UPP1: variants seen among roughly 807,000 people sequenced by gnomAD.
UPP1 encodes the protein UPase 1.
A neutral mutation model predicts 29.6 loss-of-function variants in UPP1; 25 were observed. The ratio of observed to expected loss-of-function variants is 0.85; its 90% CI spans 0.62 to 1.18. The LOEUF (loss-of-function observed/expected upper bound fraction) is 1.18. Among genes scored for constraint, UPP1 ranks in the 50% most tolerant of loss-of-function variants. The pLI, the probability that UPP1 is intolerant of heterozygous loss-of-function variation, is 0.00. For missense variants in UPP1, 368 were observed against 410.4 expected (o/e 0.90, Z 0.89); for synonymous variants, 165 against 159.8 (o/e 1.03, Z -0.25).
At chr7:48,099,905 CATA>C (rs758202971) in intron 4 of UPP1, 118 bp downstream of exon 4, 29 of 715,276 alleles carry the variant, frequency 4.1e-5, no homozygotes, top group Non-Finnish European at 6.6e-5. Flanking sequence ...TTTATGAAGA[CATA>C]ATGTTTACCA....
At chr7:48,093,585 T>G (rs747560756) in intron 2 of UPP1, among the ~76,000 whole-genome samples, 11 of 152,228 alleles carry the variant, frequency 7.2e-5, no homozygotes, top group Admixed American at 2.0e-4. Context: ...AGTCTCACCC[T>G]CCTTCAAAGA....
In UPP1 at chr7:48,107,182, G is replaced by C. The variant is rs938902649; in HGVS notation, c.646+100G>C. On this transcript the variant is annotated intron_variant, in intron 7 of 8. Transcript: ENST00000395564. ...GTGGACTGGCGTTTCCACTTGCCAG[G>C]CTGCTGTCTCAGTTACACTTCGCCC... 9 of 1,481,408 alleles carry C rather than the reference G, an allele frequency of 6.1e-6. No homozygotes were observed. The African/African-American group carries it at 1.2e-4, about 21-fold the overall frequency. The allele number at this position is 1,481,408 out of a possible 1,614,324, so 91.8% of individuals were successfully genotyped here.
In UPP1 at chr7:48,107,533, C is replaced by T. The variant is rs755456358; in HGVS notation, c.793+26C>T. 2.4e-5 allele frequency: 38 copies of T among 1,583,644 alleles called. No homozygotes were observed. The East Asian group carries it at 4.5e-4, about 19-fold the overall frequency. On this transcript the variant is annotated intron_variant, in intron 8 of 8. Coordinates refer to ENST00000395564, the MANE Select transcript of UPP1 (RefSeq NM_003364.4). Reference sequence around the variant, plus strand: ...GTAAGCGGCACTTGATGGGCCTCGGCGTCCCCTCCTCCCTTCACTTCTGCT... The same window carrying T: ...GTAAGCGGCACTTGATGGGCCTCGGTGTCCCCTCCTCCCTTCACTTCTGCT...
At chr7:48,107,216 TATA>T (rs1583884738) in intron 7 of UPP1, 134 bp downstream of exon 7, 1 of 1,411,846 alleles carries the variant, frequency 7.1e-7, no homozygotes, top group East Asian at 2.4e-5. Context: ...CCAGAGTGGT[TATA>T]ATGACCCGTT....
intron 1 of UPP1, 104 bp from the exon 2 acceptor site, chr7:48,090,084 G>C (rs1036783556): frequency 6.6e-6 from 1 of 152,220 alleles, no homozygotes; most frequent in African/African-American, 2.4e-5. Context: ...TGGCAGCTCC[G>C]CAGAGAAACT....
Position 48,101,975 on chromosome 7 carries a change from C to A in UPP1, c.314C>A (p.Ser105Tyr). The A allele has an allele frequency of 6.2e-7, 1 of 1,613,474 alleles. No individual in the cohort carries two copies. Among genetic ancestry groups the A allele is most frequent in the Non-Finnish European group, 8.5e-7 (1 of 1,179,662 alleles). Residue 105 changes from serine to tyrosine, a missense_variant, in exon 5 of 9, where the codon TCT (serine) becomes TAT (tyrosine). Coordinates refer to ENST00000395564, the MANE Select transcript of UPP1 (RefSeq NM_003364.4). ...ATGTATAAAGTAGGACCGGTGCTGT[C>A]TGTCAGTGTGAGTACCTGCCTTCCC... The part of the protein sequence containing the change: ...YAMYKVGPVL[S>Y]VSHGMGIPSI...
intron 3 of UPP1, among the ~76,000 whole-genome samples, chr7:48,095,991 TCA>T (rs1401949116): frequency 6.6e-6 from 1 of 152,208 alleles, no homozygotes; most frequent in Non-Finnish European, 1.5e-5. Flanking sequence ...CCTGGTATTT[TCA>T]GTCATTGACA....
chr7:48,092,569 A>G (rs140955903), intron 2 of UPP1, among the ~76,000 whole-genome samples: 1 of 151,652 alleles, frequency 6.6e-6, no homozygotes, highest in Non-Finnish European at 1.5e-5. Context: ...TGGTGTTGTG[A>G]CTCATGCCTG....
intron 3 of UPP1, among the ~76,000 whole-genome samples, chr7:48,099,431 C>T (rs1792297145): frequency 6.6e-6 from 1 of 152,136 alleles, no homozygotes; most frequent in Admixed American, 6.5e-5. Context: ...CTGATTTCAT[C>T]CCTGTTGCCC....
At chr7:48,106,768 C>T (rs1792768327) in intron 6 of UPP1, 105 bp from the exon 7 acceptor site, 2 of 995,496 alleles carry the variant, frequency 2.0e-6, no homozygotes, top group African/African-American at 1.6e-5. Context: ...GTGGGTGGAT[C>T]TGCTTCTTTC....
intron 2 of UPP1, among the ~76,000 whole-genome samples, chr7:48,091,288 GT>G (rs34459058): frequency 0.13 from 18,723 of 144,118 alleles, 3,554 homozygotes; most frequent in African/African-American, 0.42. Context: ...AACATCTTCA[GT>G]TTTTTTTTTT....
At chr7:48,092,020 G>T (rs954440596) in intron 2 of UPP1, among the ~76,000 whole-genome samples, 6 of 152,116 alleles carry the variant, frequency 3.9e-5, no homozygotes, top group African/African-American at 9.7e-5. Flanking sequence ...GAGCTTTCCG[G>T]GGGCCACTCA....
intron 6 of UPP1, chr7:48,104,534 A>G (rs1792619537): frequency 6.6e-6 from 1 of 152,188 alleles, no homozygotes; most frequent in African/African-American, 2.4e-5. Flanking sequence ...CAGGCTGTCT[A>G]GGGCCTGGAC....
intron 2 of UPP1, among the ~76,000 whole-genome samples, chr7:48,091,920 G>C (rs1264269770): frequency 6.6e-6 from 1 of 152,208 alleles, no homozygotes. Flanking sequence ...CAAACCTAGA[G>C]AGAAACATCC....
intron 6 of UPP1, chr7:48,104,036 G>A (rs1338817913): frequency 2.0e-5 from 11 of 552,814 alleles, no homozygotes; most frequent in Non-Finnish European, 2.7e-5. Flanking sequence ...TGGCCAACAT[G>A]GTGAAACCCC....
At position 48,107,484 on chromosome 7, in the gene UPP1, T is replaced by C. The variant is rs148766310; in HGVS notation, c.770T>C (p.Met257Thr). The part of the protein sequence containing the change: ...IEMESSVFAA[M>T]CSACGLQAAV... ...ATGGAGTCCTCGGTGTTTGCCGCCA[T>C]GTGCAGCGCCTGCGGCCTCCAAGGT... The change falls in exon 8 of 9, where the codon ATG (methionine) becomes ACG (threonine). Residue 257 changes from methionine (M) to threonine (T), a missense_variant. Coordinates refer to ENST00000395564, the MANE Select transcript of UPP1 (RefSeq NM_003364.4). 9.9e-6 allele frequency: 16 copies of C among 1,612,672 alleles called. No individual in the cohort carries two copies. Among genetic ancestry groups the C allele is most frequent in the Non-Finnish European group, 1.4e-5 (16 of 1,178,996 alleles).
intron 4 of UPP1, 122 bp from the exon 5 acceptor site, chr7:48,101,702 C>T (rs1474467564): frequency 3.5e-6 from 4 of 1,147,916 alleles, no homozygotes; most frequent in Non-Finnish European, 3.7e-6. Flanking sequence ...CCTGGTGAGG[C>T]CAGTGAACTT....
Position 48,094,758 on chromosome 7 carries a change from C to A in UPP1, c.-21-5C>A. 6.2e-7 allele frequency: 1 copy of A among 1,612,622 alleles called. No homozygotes were observed. Among genetic ancestry groups the A allele is most frequent in the Non-Finnish European group, 8.5e-7 (1 of 1,179,548 alleles). On this transcript the variant is annotated splice_region_variant and splice_polypyrimidine_tract_variant and intron_variant, in intron 2 of 8. Transcript: ENST00000395564. ...TCACTCCATTCTGTGATTTTTTTTCCTTAGGGTCCTGCCTCAGTTGGCGGA... is the reference window on the plus strand; with the variant it reads ...TCACTCCATTCTGTGATTTTTTTTCATTAGGGTCCTGCCTCAGTTGGCGGA...
At position 48,107,525 on chromosome 7, in the gene UPP1, G is replaced by A; in HGVS notation, c.793+18G>A. On this transcript the variant is annotated intron_variant, in intron 8 of 8. Transcript: ENST00000395564. ...CCTCCAAGGTAAGCGGCACTTGATG[G>A]GCCTCGGCGTCCCCTCCTCCCTTCA... 1 of 1,589,238 alleles carries A rather than the reference G, an allele frequency of 6.3e-7. No homozygotes were observed. The highest frequency in any genetic ancestry group is 8.6e-7 in the Non-Finnish European group (1 of 1,163,680).
Sources: allele counts gnomAD v4.1 joint callset (sites outside exome capture counted in the v4.1 genomes callset), GRCh38; gene constraint gnomAD v4.1.1; transcripts MANE v1.5; gene names NCBI Gene and HGNC (gene_info 2026-07-23, HGNC 2026-07-21).